The following HDAC9 variants were observed in gnomAD, a reference collection of about 807,000 sequenced individuals.
The protein encoded by HDAC9 is histone deacetylase 9, also known as MEF-2 interacting transcription repressor (MITR) protein.
Under a neutral mutation model 139.4 loss-of-function variants are expected in HDAC9, and 41 were observed. The ratio of observed to expected loss-of-function variants is 0.29; its 90% CI spans 0.23 to 0.38. The LOEUF (loss-of-function observed/expected upper bound fraction) is 0.38, where lower values mean the gene tolerates loss of function less well. Among genes scored for constraint, HDAC9 ranks in the 10% least tolerant of loss-of-function variants. The pLI is 1.00. For missense variants in HDAC9, 1,147 were observed against 1,297.0 expected, an observed-to-expected ratio of 0.88 and a Z score of 1.78; for synonymous variants, 517 against 476.2, an observed-to-expected ratio of 1.09 and a Z score of -1.12.
intron 2 of HDAC9, among the ~76,000 whole-genome samples, chr7:18,230,251 A>G (rs944101338): frequency 3.9e-5 from 6 of 152,214 alleles, no homozygotes; most frequent in Non-Finnish European, 8.8e-5. Context: ...TACATAATTT[A>G]TAGTGCCCAG....
intron 22 of HDAC9, among the ~76,000 whole-genome samples, chr7:18,921,115 A>T (rs1803673120): frequency 6.6e-6 from 1 of 152,180 alleles, no homozygotes; most frequent in Admixed American, 6.5e-5. Flanking sequence ...TGTTAGACCT[A>T]AAACCATAAA....
chr7:18,523,141 C>T (rs1805616412), intron 2 of HDAC9, among the ~76,000 whole-genome samples: 1 of 152,172 alleles, frequency 6.6e-6, no homozygotes. Context: ...GGAGATGACA[C>T]TGCAAACCAG....
At chr7:18,687,991 A>T (rs1180007664) in intron 12 of HDAC9, among the ~76,000 whole-genome samples, 1 of 151,808 alleles carries the variant, frequency 6.6e-6, no homozygotes. Flanking sequence ...TAGCTATCAG[A>T]TTTCCATTTA....
chr7:18,426,422 A>G (rs891974707), intron 1 of HDAC9, among the ~76,000 whole-genome samples: 7 of 152,234 alleles, frequency 4.6e-5, no homozygotes, highest in Non-Finnish European at 5.9e-5. Flanking sequence ...ATGATACTTA[A>G]TATTAAATAG....
intron 2 of HDAC9, among the ~76,000 whole-genome samples, chr7:18,280,750 G>A (rs1797050521): frequency 7.2e-6 from 1 of 139,524 alleles, no homozygotes; most frequent in Non-Finnish European, 1.5e-5. Flanking sequence ...GTGACAGAAT[G>A]AGACCCTGTC....
chr7:18,980,716 T>TC (rs1554418463), intron 25 of HDAC9, among the ~76,000 whole-genome samples: 1 of 75,168 alleles, frequency 1.3e-5, no homozygotes, highest in Non-Finnish European at 3.5e-5. Flanking sequence ...TCCTTCTTCC[T>TC]CTTCTTCTTC....
chr7:18,608,429 A>C (rs997575997), intron 6 of HDAC9, among the ~76,000 whole-genome samples: 1 of 151,962 alleles, frequency 6.6e-6, no homozygotes, highest in Non-Finnish European at 1.5e-5. Context: ...TTATAGATTT[A>C]TTTGCTTTTT....
At chr7:18,820,194 T>TTTTG (rs370064992) in intron 17 of HDAC9, among the ~76,000 whole-genome samples, 2 of 152,314 alleles carry the variant, frequency 1.3e-5, no homozygotes, top group African/African-American at 4.8e-5. Flanking sequence ...TTCTGATAGT[T>TTTTG]ATATTTTGTG....
intron 2 of HDAC9, among the ~76,000 whole-genome samples, chr7:18,524,226 G>T (rs776947603): frequency 4.6e-5 from 7 of 152,136 alleles, no homozygotes; most frequent in Non-Finnish European, 1.0e-4. Flanking sequence ...GTAATTAACT[G>T]CCATATTTCT....
At chr7:18,974,049 C>T (rs12535092) in intron 24 of HDAC9, among the ~76,000 whole-genome samples, 22,651 of 152,196 alleles carry the variant, frequency 0.15, 2,220 homozygotes, top group Non-Finnish European at 0.22. Flanking sequence ...CAGTCTCATC[C>T]ATCCCACTCC....
chr7:18,117,229 A>G (rs915937661), intron 1 of HDAC9, among the ~76,000 whole-genome samples: 4 of 152,142 alleles, frequency 2.6e-5, no homozygotes, highest in African/African-American at 9.7e-5. Context: ...AGGGTGGCCT[A>G]TCAATCCAAT....
At chr7:18,365,520 G>T (rs1320197127) in intron 1 of HDAC9, among the ~76,000 whole-genome samples, 1 of 152,014 alleles carries the variant, frequency 6.6e-6, no homozygotes, top group East Asian at 1.9e-4. Context: ...AATCATTTTT[G>T]CAGTATTTTG....
intron 1 of HDAC9, among the ~76,000 whole-genome samples, chr7:18,397,977 T>G (rs1787204077): frequency 6.6e-6 from 1 of 152,198 alleles, no homozygotes. Context: ...CCCTCATTGA[T>G]TCAGCCACAT....
chr7:18,833,369 T>C (rs774941042), intron 19 of HDAC9, among the ~76,000 whole-genome samples: 4 of 152,234 alleles, frequency 2.6e-5, no homozygotes, highest in Non-Finnish European at 4.4e-5. Flanking sequence ...GAAACAAAAG[T>C]AATCAAAGCA....
intron 1 of HDAC9, among the ~76,000 whole-genome samples, chr7:18,142,433 TAC>T (rs2128110885): frequency 6.6e-6 from 1 of 152,302 alleles, no homozygotes; most frequent in East Asian, 1.9e-4. Flanking sequence ...ATTAAAAAAA[TAC>T]ACGTTTGAAG....
chr7:18,279,551 T>C (rs1407490281), intron 2 of HDAC9, among the ~76,000 whole-genome samples: 1 of 151,836 alleles, frequency 6.6e-6, no homozygotes, highest in East Asian at 1.9e-4. Context: ...CTGCAACCTC[T>C]GCCTCCCGGG....
intron 1 of HDAC9, among the ~76,000 whole-genome samples, chr7:18,313,597 G>C (rs1799455998): frequency 6.6e-6 from 1 of 152,106 alleles, no homozygotes; most frequent in Admixed American, 6.6e-5. Context: ...GTGAACTTTG[G>C]AATATTTGGA....
chr7:18,516,962 G>A (rs1214089176), intron 2 of HDAC9, among the ~76,000 whole-genome samples: 1 of 149,506 alleles, frequency 6.7e-6, no homozygotes, highest in African/African-American at 2.5e-5. Context: ...AAATTATATA[G>A]AAAGATTACT....
intron 6 of HDAC9, among the ~76,000 whole-genome samples, chr7:18,604,910 T>C (rs1396654582): frequency 1.3e-5 from 2 of 152,186 alleles, no homozygotes; most frequent in African/African-American, 4.8e-5. Context: ...TCTGGTCTGA[T>C]GTTTGCTTTG....
Sources: gnomAD v4.1 joint callset for allele counts (sites outside exome capture counted in the v4.1 genomes callset) on GRCh38, gnomAD v4.1.1 for gene constraint, MANE v1.5 for transcripts, NCBI Gene and HGNC (gene_info 2026-07-23, HGNC 2026-07-21) for gene names.